Variants in JMJD1C observed in about 807,000 individuals in gnomAD.
JMJD1C encodes jumonji domain containing 1C.
JMJD1C carries 31 observed loss-of-function variants against 245.3 expected under a neutral mutation model. The observed-to-expected ratio is 0.13, with a 90% CI of 0.09 to 0.17. JMJD1C has a LOEUF of 0.17. Among genes scored for constraint, JMJD1C ranks in the 10% least tolerant of loss-of-function variants. The probability of loss-of-function intolerance (pLI) is 1.00; values close to 1 mark genes in which losing one functional copy is unlikely to be tolerated. For synonymous variants in JMJD1C, 1,057 were observed against 1,017.4 expected, an observed-to-expected ratio of 1.04 and a Z score of -0.74; for missense variants, 2,691 against 3,000.2, an observed-to-expected ratio of 0.90 and a Z score of 2.41.
At chr10:63,396,379 AAAG>A (rs2134654201) in intron 1 of JMJD1C, among the ~76,000 whole-genome samples, 1 of 152,318 alleles carries the variant, frequency 6.6e-6, no homozygotes, top group Non-Finnish European at 1.5e-5. Flanking sequence ...AAGAGATAAA[AAAG>A]AACAGCCTTG....
chr10:63,292,991 C>T (rs1473631385), intron 2 of JMJD1C, among the ~76,000 whole-genome samples: 3 of 152,176 alleles, frequency 2.0e-5, no homozygotes, highest in Non-Finnish European at 4.4e-5. Context: ...TTGCAGTGAG[C>T]CGAGATCATG....
intron 13 of JMJD1C, among the ~76,000 whole-genome samples, chr10:63,194,854 T>C (rs1845257887): frequency 6.6e-6 from 1 of 152,230 alleles, no homozygotes; most frequent in African/African-American, 2.4e-5. Context: ...ACAGTTACTA[T>C]TAACTGCTAT....
At chr10:63,227,790 C>T (rs1475256799) in intron 3 of JMJD1C, among the ~76,000 whole-genome samples, 2 of 152,102 alleles carry the variant, frequency 1.3e-5, no homozygotes, top group African/African-American at 4.8e-5. Context: ...ATACCAGTTT[C>T]GCCAGTCATA....
intron 3 of JMJD1C, among the ~76,000 whole-genome samples, chr10:63,226,584 G>A (rs1269195589): frequency 6.6e-6 from 1 of 151,698 alleles, no homozygotes; most frequent in Non-Finnish European, 1.5e-5. Flanking sequence ...ATGGTGGGGT[G>A]CGCACCTGTA....
At chr10:63,240,518 G>A (rs745547185) in intron 3 of JMJD1C, among the ~76,000 whole-genome samples, 10 of 152,140 alleles carry the variant, frequency 6.6e-5, no homozygotes, top group Non-Finnish European at 1.3e-4. Flanking sequence ...CATCAGTTTT[G>A]TGAAGTGGAG....
chr10:63,220,390 G>A (rs1404835192), intron 3 of JMJD1C, among the ~76,000 whole-genome samples: 2 of 152,166 alleles, frequency 1.3e-5, no homozygotes. Context: ...ATGACTTACT[G>A]ACCTTCCCAT....
chr10:63,295,966 T>TAC (rs1310395037), intron 2 of JMJD1C, among the ~76,000 whole-genome samples: 1 of 12,398 alleles, frequency 8.1e-5, no homozygotes, highest in Non-Finnish European at 1.8e-4. Context: ...TATATGTGTG[T>TAC]GTGTGTGTGT....
At chr10:63,478,310 T>TA (rs1332191960) in intron 1 of JMJD1C, among the ~76,000 whole-genome samples, 3 of 152,148 alleles carry the variant, frequency 2.0e-5, no homozygotes, top group Non-Finnish European at 4.4e-5. Flanking sequence ...CCTATGTTCA[T>TA]AAAAAAACCT....
chr10:63,420,714 CAAAAAAAAAA>C (rs35090799), intron 1 of JMJD1C, among the ~76,000 whole-genome samples: 2 of 47,720 alleles, frequency 4.2e-5, no homozygotes, highest in East Asian at 5.2e-4. Flanking sequence ...GACCCAGTCT[CAAAAAAAAAA>C]AAAAAAAAAA....
At chr10:63,274,330 G>A (rs562974151) in intron 2 of JMJD1C, among the ~76,000 whole-genome samples, 3 of 152,110 alleles carry the variant, frequency 2.0e-5, no homozygotes, top group African/African-American at 2.4e-5. Flanking sequence ...TCTGGGAGGC[G>A]GAGGCAGGTG....
rs531820668 is a variant in JMJD1C at position 63,266,863 on chromosome 10, T to C, written c.334-2099A>G. Among the ~76,000 whole-genome samples, 6 of 152,284 alleles carry C rather than the reference T, an allele frequency of 3.9e-5. No individual in the cohort carries two copies. The East Asian group carries it at 9.6e-4, about 24-fold the overall frequency. On this transcript the variant is annotated intron_variant, in intron 2 of 25. Transcript: ENST00000399262. ...TATGAGACCTAGTCATTTTATAATA[T>C]GAAAAACATTCTTCTGAAGAGAGCT...
chr10:63,390,822 T>G (rs1220241975), intron 1 of JMJD1C, among the ~76,000 whole-genome samples: 8 of 152,054 alleles, frequency 5.3e-5, no homozygotes, highest in Non-Finnish European at 2.9e-5. Flanking sequence ...CTCTCAACAT[T>G]CTAAGCACAG....
intron 1 of JMJD1C, among the ~76,000 whole-genome samples, chr10:63,393,569 A>G (rs1263462299): frequency 1.3e-5 from 2 of 152,162 alleles, no homozygotes; most frequent in Admixed American, 1.3e-4. Flanking sequence ...TCAGCACATC[A>G]AAGGGATACC....
Position 63,193,074 on chromosome 10 carries a change from CGGA to C in JMJD1C, c.5937_5939del (p.Pro1980del), listed in dbSNP as rs1267925779. On this transcript the variant is annotated inframe_deletion, in exon 16 of 26. Transcript: ENST00000399262. ...TGCTGCCACCATTTTTCTCAGACTT[CGGA>C]GGAGTATTTTGCTGCTGAGACTCAG... The C allele has an allele frequency of 1.9e-6, 3 of 1,613,922 alleles. No individual in the cohort carries two copies. The African/African-American group carries it at 4.0e-5, about 22-fold the overall frequency.
chr10:63,469,928 G>A (rs1215384906), upstream of JMJD1C, among the ~76,000 whole-genome samples: 1 of 152,164 alleles, frequency 6.6e-6, no homozygotes, highest in Non-Finnish European at 1.5e-5. Context: ...TAAATAATTT[G>A]TATTTGGGGT....
chr10:63,297,370 A>AT (rs1564750082), intron 2 of JMJD1C, among the ~76,000 whole-genome samples: 2 of 152,172 alleles, frequency 1.3e-5, no homozygotes, highest in South Asian at 4.1e-4. Flanking sequence ...TTGGACACTC[A>AT]TCAGGACTAC....
At chr10:63,402,111 G>A (rs1948895037) in intron 1 of JMJD1C, among the ~76,000 whole-genome samples, 1 of 143,576 alleles carries the variant, frequency 7.0e-6, no homozygotes, top group Non-Finnish European at 1.5e-5. Context: ...TCCAGCCTGG[G>A]CAACAAGAGC....
At chr10:63,398,730 A>C (rs1948669614) in intron 1 of JMJD1C, among the ~76,000 whole-genome samples, 1 of 151,454 alleles carries the variant, frequency 6.6e-6, no homozygotes, top group Non-Finnish European at 1.5e-5. Context: ...TGCAACCTCC[A>C]CCTCCCAGGT....
At chr10:63,394,761 T>C (rs1273166941) in intron 1 of JMJD1C, among the ~76,000 whole-genome samples, 1 of 151,832 alleles carries the variant, frequency 6.6e-6, no homozygotes, top group East Asian at 1.9e-4. Context: ...GGAGAATCGC[T>C]TGAACCTGGG....
Sources: gnomAD v4.1 joint callset for allele counts (sites outside exome capture counted in the v4.1 genomes callset) on GRCh38, gnomAD v4.1.1 for gene constraint, MANE v1.5 for transcripts, NCBI Gene and HGNC (gene_info 2026-07-23, HGNC 2026-07-21) for gene names.